The following PMM2 variants were observed in gnomAD, a reference collection of about 807,000 sequenced individuals.
PMM2 encodes the protein mannose-6-phosphate isomerase.
Under a neutral mutation model 33.2 loss-of-function variants are expected in PMM2, and 35 were observed. The observed-to-expected ratio is 1.06, with a 90% CI of 0.81 to 1.40. The LOEUF is 1.40. Ranked by LOEUF, PMM2 falls within the 40% of genes most tolerant of loss-of-function variation. The pLI, the probability that PMM2 is intolerant of heterozygous loss-of-function variation, is 0.00. For missense variants in PMM2, 386 were observed against 306.0 expected (o/e 1.26, Z -1.95); for synonymous variants, 153 against 114.7 (o/e 1.33, Z -2.13).
In PMM2 at chr16:8,847,891, G is replaced by T; in HGVS notation, c.*66G>T. 2 of 1,269,448 alleles carry T rather than the reference G, an allele frequency of 1.6e-6. No individual in the cohort carries two copies. The highest frequency in any genetic ancestry group is 1.2e-5 in the South Asian group (1 of 83,660). 78.6% of individuals were successfully genotyped at this position (1,269,448 alleles called of 1,614,324 possible). ...CATAGGGCATTCGGTGGCCAGAGCC[G>T]AGGGTCCTCCCACACGTGCTCACCC... On this transcript the variant is annotated 3_prime_UTR_variant, in exon 8 of 8. Transcript: ENST00000268261.
intron 7 of PMM2, among the ~76,000 whole-genome samples, chr16:8,819,863 T>G (rs1175288882): frequency 1.3e-5 from 2 of 152,128 alleles, no homozygotes. Flanking sequence ...GGAAGCACAG[T>G]GGGAAGTCCA....
intron 1 of PMM2, among the ~76,000 whole-genome samples, chr16:8,799,567 A>G (rs1263282927): frequency 6.7e-6 from 1 of 148,610 alleles, no homozygotes. Context: ...TTTTTTTTTT[A>G]AGACAGAGTC....
At chr16:8,827,008 T>C (rs1319645035) in intron 7 of PMM2, among the ~76,000 whole-genome samples, 1 of 152,174 alleles carries the variant, frequency 6.6e-6, no homozygotes, top group Admixed American at 6.5e-5. Flanking sequence ...AGCCTCAACT[T>C]TTTTCACATA....
chr16:8,833,785 A>G (rs2060826505), intron 7 of PMM2, among the ~76,000 whole-genome samples: 1 of 152,176 alleles, frequency 6.6e-6, no homozygotes, highest in Non-Finnish European at 1.5e-5. Context: ...TAAAAGGTCT[A>G]AGAATTGGGA....
rs2060940695 is a variant in PMM2, at chr16:8,848,112, G to T, written c.*287G>T. The T allele has an allele frequency of 4.9e-6, 2 of 407,654 alleles. No individual in the cohort carries two copies. Among genetic ancestry groups the T allele is most frequent in the South Asian group, 2.3e-5 (1 of 42,582 alleles). The allele number at this position is 407,654 out of a possible 1,614,324, so 25.3% of individuals were successfully genotyped here. ...TACCCACCCTGATACGTGCAATCAT[G>T]TAGTTTTGGCGGAAATTTCCCCATC... On this transcript the variant is annotated 3_prime_UTR_variant, in exon 8 of 8. Coordinates refer to ENST00000268261, the MANE Select transcript of PMM2 (RefSeq NM_000303.3).
chr16:8,830,693 G>A lies in PMM2; in HGVS notation c.640-17031G>A, dbSNP rs2060804566. Reference sequence around the variant, plus strand: ...GCGATGTTATTCTCAGGAGCAATGTGGGGAGGTTCAGACTCTTGCAGCCAG... The same window carrying A: ...GCGATGTTATTCTCAGGAGCAATGTAGGGAGGTTCAGACTCTTGCAGCCAG... On this transcript the variant is annotated intron_variant, in intron 7 of 7. Coordinates refer to ENST00000268261, the MANE Select transcript of PMM2 (RefSeq NM_000303.3). Among the ~76,000 whole-genome samples, 3 of 152,308 alleles carry A rather than the reference G, an allele frequency of 2.0e-5. No individual in the cohort carries two copies. The South Asian group carries it at 6.2e-4, about 32-fold the overall frequency.
intron 7 of PMM2, among the ~76,000 whole-genome samples, chr16:8,827,815 TATAATATATATTATATATA>T (rs2060782221): frequency 9.4e-6 from 1 of 106,476 alleles, no homozygotes; most frequent in African/African-American, 3.6e-5. Context: ...TATATATTTA[TATAATATATATTATATATA>T]TTGTATAATA....
Position 8,848,435 on chromosome 16 carries a change from G to A in PMM2, c.*610G>A. On this transcript the variant is annotated 3_prime_UTR_variant, in exon 8 of 8. Transcript: ENST00000268261. Reference sequence around the variant, plus strand: ...CCCGTGTTTGGGGCTGAGGCCTGCTGGACAGATGGCTGGCCAAGTGGGAGC... The same window carrying A: ...CCCGTGTTTGGGGCTGAGGCCTGCTAGACAGATGGCTGGCCAAGTGGGAGC... The A allele has an allele frequency of 6.2e-6, 1 of 161,386 alleles. No individual in the cohort carries two copies. The highest frequency in any genetic ancestry group is 1.4e-5 in the Non-Finnish European group (1 of 72,744). 10.0% of individuals were successfully genotyped at this position (161,386 alleles called of 1,614,324 possible).
At chr16:8,821,199 G>T (rs1299149292) in intron 7 of PMM2, among the ~76,000 whole-genome samples, 1 of 152,176 alleles carries the variant, frequency 6.6e-6, no homozygotes, top group Non-Finnish European at 1.5e-5. Flanking sequence ...GAGGGACCCT[G>T]AGTGAATTGC....
chr16:8,844,610 G>A (rs1596507639), intron 7 of PMM2, among the ~76,000 whole-genome samples: 1 of 152,232 alleles, frequency 6.6e-6, no homozygotes, highest in African/African-American at 2.4e-5. Flanking sequence ...CAAGGCAGGT[G>A]TCCCTGCGTG....
At chr16:8,844,213 G>C (rs2060908791) in intron 7 of PMM2, among the ~76,000 whole-genome samples, 1 of 152,188 alleles carries the variant, frequency 6.6e-6, no homozygotes, top group African/African-American at 2.4e-5. Context: ...TCAGGTATGA[G>C]TTGAAGAGGT....
intron 7 of PMM2, among the ~76,000 whole-genome samples, chr16:8,833,787 GA>G (rs1163666765): frequency 1.3e-5 from 2 of 152,142 alleles, no homozygotes; most frequent in Non-Finnish European, 2.9e-5. Context: ...AAAGGTCTAA[GA>G]ATTGGGAGGA....
rs1480779927 is a variant in PMM2 at position 8,848,217 on chromosome 16, T to A, written c.*392T>A. The A allele has an allele frequency of 4.2e-6, 1 of 235,894 alleles. No individual in the cohort carries two copies. Among genetic ancestry groups the A allele is most frequent in the Non-Finnish European group, 8.5e-6 (1 of 117,162 alleles). The allele number at this position is 235,894 out of a possible 1,614,324, so 14.6% of individuals were successfully genotyped here. On this transcript the variant is annotated 3_prime_UTR_variant, in exon 8 of 8. Coordinates refer to ENST00000268261, the MANE Select transcript of PMM2 (RefSeq NM_000303.3). Reference sequence around the variant, plus strand: ...TCTGTGGAAACATAAGCGGTTTTTTTAATGGGCCCCTGCATCAATACCAAA... The same window carrying A: ...TCTGTGGAAACATAAGCGGTTTTTTAAATGGGCCCCTGCATCAATACCAAA...
intron 7 of PMM2, among the ~76,000 whole-genome samples, chr16:8,819,999 A>C (rs2060728878): frequency 6.6e-6 from 1 of 152,184 alleles, no homozygotes; most frequent in African/African-American, 2.4e-5. Context: ...ATTCTCCAGA[A>C]ATGTTAATAA....
At chr16:8,814,301 C>T (rs1202942569) in intron 7 of PMM2, among the ~76,000 whole-genome samples, 1 of 152,166 alleles carries the variant, frequency 6.6e-6, no homozygotes, top group Non-Finnish European at 1.5e-5. Flanking sequence ...TTCAGTTACT[C>T]CCATCCTCTG....
intron 7 of PMM2, among the ~76,000 whole-genome samples, chr16:8,830,739 C>T (rs1296960800): frequency 6.6e-6 from 1 of 152,196 alleles, no homozygotes; most frequent in African/African-American, 2.4e-5. Context: ...GCTCCAAAAC[C>T]ATAATTTCTA....
At chr16:8,800,231 G>A (rs1806279628) in intron 1 of PMM2, among the ~76,000 whole-genome samples, 1 of 151,894 alleles carries the variant, frequency 6.6e-6, no homozygotes, top group Admixed American at 6.6e-5. Context: ...CATGATGGCG[G>A]GCGCCTGTAA....
At chr16:8,846,954 C>T (rs141732353) in intron 7 of PMM2, among the ~76,000 whole-genome samples, 6,863 of 152,174 alleles carry the variant, frequency 0.045, 230 homozygotes, top group Middle Eastern at 0.13. Flanking sequence ...ACTTCCACCT[C>T]CCGAGTTCAA....
At chr16:8,827,540 C>A (rs2060776465) in intron 7 of PMM2, among the ~76,000 whole-genome samples, 1 of 149,442 alleles carries the variant, frequency 6.7e-6, no homozygotes. Context: ...GGACCACAGG[C>A]ACACGCCACC....
Sources: allele counts gnomAD v4.1 joint callset (sites outside exome capture counted in the v4.1 genomes callset), GRCh38; gene constraint gnomAD v4.1.1; transcripts MANE v1.5; gene names NCBI Gene and HGNC (gene_info 2026-07-23, HGNC 2026-07-21).